The following ERMP1 variants were observed in gnomAD, a reference collection of about 807,000 sequenced individuals.
ERMP1 encodes the protein endoplasmic reticulum metallopeptidase 1, also known as Felix-ina.
ERMP1 carries 86 observed loss-of-function variants against 92.0 expected under a neutral mutation model. That is an observed-to-expected ratio of 0.93 (90% CI 0.79 to 1.12). The LOEUF (loss-of-function observed/expected upper bound fraction) is 1.12, where lower values mean the gene tolerates loss of function less well. Among genes scored for constraint, ERMP1 ranks in the 50% most tolerant of loss-of-function variants. ERMP1 has a pLI of 0.00. For missense variants in ERMP1, 1,342 were observed against 1,116.3 expected (o/e 1.20, Z -2.88); for synonymous variants, 530 against 412.8 (o/e 1.28, Z -3.44).
At chr9:5,862,562 G>C (rs945676570) in intron 5 of ERMP1, among the ~76,000 whole-genome samples, 1 of 152,040 alleles carries the variant, frequency 6.6e-6, no homozygotes, top group Non-Finnish European at 1.5e-5. Flanking sequence ...GCCAAGGCTG[G>C]TCTTAAAGTC....
intron 13 of ERMP1, among the ~76,000 whole-genome samples, chr9:5,792,156 G>A (rs10975283): frequency 0.32 from 49,035 of 152,020 alleles, 8,900 homozygotes; most frequent in East Asian, 0.7. Flanking sequence ...GTGCTGAAAA[G>A]AATCCCGAAA....
intron 5 of ERMP1, among the ~76,000 whole-genome samples, chr9:5,860,585 G>A (rs1168080016): frequency 2.0e-5 from 3 of 151,476 alleles, no homozygotes; most frequent in Non-Finnish European, 4.4e-5. Flanking sequence ...AAAGTTGCAA[G>A]GACAATTTTA....
chr9:5,825,643 CT>C (rs1259396457), intron 2 of ERMP1, among the ~76,000 whole-genome samples: 1 of 152,234 alleles, frequency 6.6e-6, no homozygotes, highest in Middle Eastern at 3.2e-3. Flanking sequence ...GCACCCACTC[CT>C]TTCTTGCTTG....
At chr9:5,842,002 G>C (rs1170584771) in intron 6 of ERMP1, among the ~76,000 whole-genome samples, 2 of 152,200 alleles carry the variant, frequency 1.3e-5, no homozygotes, top group Non-Finnish European at 2.9e-5. Flanking sequence ...TGGTCTTGCT[G>C]ACTTCAGGAG....
chr9:5,803,184 A>G (rs1828739426), intron 10 of ERMP1, among the ~76,000 whole-genome samples: 1 of 152,356 alleles, frequency 6.6e-6, no homozygotes, highest in African/African-American at 2.4e-5. Context: ...TTACCCAAAG[A>G]AAACAGTCTT....
At chr9:5,841,007 G>A (rs930085897) in intron 6 of ERMP1, among the ~76,000 whole-genome samples, 4 of 152,138 alleles carry the variant, frequency 2.6e-5, no homozygotes, top group Non-Finnish European at 1.5e-5. Context: ...TTACTTAAAG[G>A]GCAACTTTTT....
At chr9:5,860,228 C>T (rs890570638) in intron 5 of ERMP1, among the ~76,000 whole-genome samples, 2 of 151,650 alleles carry the variant, frequency 1.3e-5, no homozygotes, top group Non-Finnish European at 2.9e-5. Context: ...TTGCTTGAGC[C>T]CAGGAAATAG....
At chr9:5,797,077 G>A (rs559651323) in intron 13 of ERMP1, among the ~76,000 whole-genome samples, 1 of 152,102 alleles carries the variant, frequency 6.6e-6, no homozygotes, top group South Asian at 2.1e-4. Flanking sequence ...GTCTTGCTCT[G>A]TCACCCAGGT....
intron 10 of ERMP1, among the ~76,000 whole-genome samples, chr9:5,804,276 G>A (rs1014006): frequency 0.27 from 40,925 of 151,974 alleles, 6,467 homozygotes; most frequent in East Asian, 0.57. Flanking sequence ...GCCCATCTTG[G>A]ATCGTGGAGG....
At chr9:5,825,310 G>A in intron 2 of ERMP1, 91 bp from the exon 3 acceptor site, 1 of 1,272,080 alleles carries the variant, frequency 7.9e-7, no homozygotes, top group Non-Finnish European at 1.1e-6. Context: ...TCTCCTCAGA[G>A]AAGCATCACA....
At chr9:5,788,646 G>GTTT (rs1563743872) in intron 13 of ERMP1, among the ~76,000 whole-genome samples, 1 of 151,750 alleles carries the variant, frequency 6.6e-6, no homozygotes, top group Non-Finnish European at 1.5e-5. Flanking sequence ...GGAAGAAAAG[G>GTTT]ATAAACAGAT....
At chr9:5,788,916 A>G (rs925415090) in intron 13 of ERMP1, among the ~76,000 whole-genome samples, 2 of 152,202 alleles carry the variant, frequency 1.3e-5, no homozygotes, top group African/African-American at 4.8e-5. Flanking sequence ...CAAGATGCCC[A>G]ACAGAATAGA....
At chr9:5,812,864 T>A (rs1169243220) in intron 5 of ERMP1, 25 bp downstream of exon 5, 2 of 1,613,502 alleles carry the variant, frequency 1.2e-6, no homozygotes, top group South Asian at 2.2e-5. Flanking sequence ...TGCTGCACAG[T>A]AGGCCGTAAC....
rs778126632 is a variant in ERMP1 at position 5,833,040 on chromosome 9, C to T, written c.-13G>A. On this transcript the variant is annotated 5_prime_UTR_variant, in exon 1 of 15. Transcript: ENST00000339450. ...AACCCCACTCCATGGCCACGAGCCT[C>T]AGCTGCCAGCCCAACCGCCCCAACC... The T allele has an allele frequency of 2.0e-6, 3 of 1,478,402 alleles. No individual in the cohort carries two copies. Among genetic ancestry groups the T allele is most frequent in the East Asian group, 2.7e-5 (1 of 36,528 alleles). The allele number at this position is 1,478,402 out of a possible 1,614,324, so 91.6% of individuals were successfully genotyped here.
intron 13 of ERMP1, among the ~76,000 whole-genome samples, chr9:5,796,131 C>A (rs1828416159): frequency 6.6e-6 from 1 of 152,190 alleles, no homozygotes; most frequent in Non-Finnish European, 1.5e-5. Context: ...AATATCATTT[C>A]TTCCCACCTT....
At chr9:5,838,040 A>C (rs1830114267), upstream of ERMP1, among the ~76,000 whole-genome samples, 1 of 152,214 alleles carries the variant, frequency 6.6e-6, no homozygotes, top group East Asian at 1.9e-4. Flanking sequence ...CAGGACTTGC[A>C]GTGAGCCAAC....
At chr9:5,824,593 G>C (rs954161231) in intron 3 of ERMP1, among the ~76,000 whole-genome samples, 6 of 152,058 alleles carry the variant, frequency 3.9e-5, no homozygotes, top group Non-Finnish European at 7.4e-5. Flanking sequence ...AGTAGAGACG[G>C]GGTTTCACCA....
intron 13 of ERMP1, among the ~76,000 whole-genome samples, chr9:5,792,837 G>A (rs926726594): frequency 6.6e-6 from 1 of 152,074 alleles, no homozygotes; most frequent in Non-Finnish European, 1.5e-5. Context: ...GATATGGTAA[G>A]AATATAAAAG....
Position 5,812,002 on chromosome 9 carries a change from C to T in ERMP1, c.1114+123G>A. On this transcript the variant is annotated intron_variant, in intron 6 of 14. Coordinates refer to ENST00000339450, the MANE Select transcript of ERMP1 (RefSeq NM_024896.3). ...GATCTCATCTCTCCAACTCCAAAGCCCTAGCTCATTCACATTGCATACTGC... is the reference window on the plus strand; with the variant it reads ...GATCTCATCTCTCCAACTCCAAAGCTCTAGCTCATTCACATTGCATACTGC... 3 of 629,776 alleles carry T rather than the reference C, an allele frequency of 4.8e-6. No homozygotes were observed. In the South Asian group the frequency reaches 7.0e-5, roughly 15 times the overall value. The allele number at this position is 629,776 out of a possible 1,614,324, so 39.0% of individuals were successfully genotyped here.
Sources: allele counts gnomAD v4.1 joint callset (sites outside exome capture counted in the v4.1 genomes callset), GRCh38; gene constraint gnomAD v4.1.1; transcripts MANE v1.5; gene names NCBI Gene and HGNC (gene_info 2026-07-23, HGNC 2026-07-21).